The following FHIT variants were observed in gnomAD, a reference collection of about 807,000 sequenced individuals.
FHIT encodes bis(5'-adenosyl)-triphosphatase.
In FHIT, 19 loss-of-function variants were observed where a neutral mutation model predicts 17.9. That is an observed-to-expected ratio of 1.06 (90% CI 0.74 to 1.56). The LOEUF is 1.56. Among genes scored for constraint, FHIT ranks in the 40% most tolerant of loss-of-function variants. The pLI, the probability that FHIT is intolerant of heterozygous loss-of-function variation, is 0.00. For synonymous variants in FHIT, 81 were observed against 69.7 expected (o/e 1.16, Z -0.81); for missense variants, 248 against 189.2 (o/e 1.31, Z -1.82).
intron 8 of FHIT, among the ~76,000 whole-genome samples, chr3:59,888,140 A>T (rs1159675249): frequency 1.3e-5 from 2 of 152,196 alleles, no homozygotes; most frequent in Non-Finnish European, 2.9e-5. Flanking sequence ...AGAAGAAAGG[A>T]AGGAGTATGC....
intron 5 of FHIT, among the ~76,000 whole-genome samples, chr3:60,430,004 G>A (rs543782277): frequency 1.3e-5 from 2 of 152,040 alleles, no homozygotes; most frequent in Non-Finnish European, 2.9e-5. Flanking sequence ...CGTGCCTTAA[G>A]AAGTTTCTGC....
intron 7 of FHIT, among the ~76,000 whole-genome samples, chr3:60,003,918 G>A (rs555339194): frequency 6.6e-6 from 1 of 150,862 alleles, no homozygotes; most frequent in South Asian, 2.1e-4. Context: ...GGATATCACA[G>A]GTTTAAAATT....
rs147226955 is a variant in FHIT, at chr3:60,291,402, C to T, written c.103+245458G>A. 7.5e-3 allele frequency among the ~76,000 whole-genome samples: 1,135 copies of T among 152,058 alleles called. 15 individuals are homozygous for T. The highest frequency in any genetic ancestry group is 0.042 in the South Asian group (201 of 4,808). ...CTAATCTTTTATTATGCTGTCACGT[C>T]CTCTATCTGAGCTGTGCCATGTTGC... On this transcript the variant is annotated intron_variant, in intron 5 of 9. Coordinates refer to ENST00000492590, the MANE Select transcript of FHIT (RefSeq NM_002012.4).
chr3:59,858,080 A>C (rs187137748), intron 8 of FHIT, among the ~76,000 whole-genome samples: 2 of 152,244 alleles, frequency 1.3e-5, no homozygotes, highest in African/African-American at 4.8e-5. Flanking sequence ...GAGACAAGTA[A>C]GTAATGCAGA....
intron 5 of FHIT, among the ~76,000 whole-genome samples, chr3:60,352,106 G>A (rs1699436314): frequency 1.3e-5 from 2 of 152,130 alleles, no homozygotes; most frequent in South Asian, 2.1e-4. Context: ...CAGCACTGAG[G>A]AGCATGCCTT....
chr3:61,010,129 T>C (rs1214704592), intron 3 of FHIT, among the ~76,000 whole-genome samples: 1 of 152,094 alleles, frequency 6.6e-6, no homozygotes. Context: ...TCTGCGCATA[T>C]CTTCAATTAT....
intron 1 of FHIT, among the ~76,000 whole-genome samples, chr3:61,214,142 GA>G (rs1483338258): frequency 4.0e-5 from 6 of 151,682 alleles, no homozygotes; most frequent in African/African-American, 1.2e-4. Context: ...CAAAAGGCAA[GA>G]AATAACTAAA....
chr3:60,188,159 C>G (rs2107459562), intron 5 of FHIT, among the ~76,000 whole-genome samples: 1 of 150,294 alleles, frequency 6.7e-6, no homozygotes, highest in Admixed American at 6.6e-5. Context: ...CATTGAATGT[C>G]AGACTCTAAC....
intron 3 of FHIT, among the ~76,000 whole-genome samples, chr3:60,911,152 A>G (rs1706721382): frequency 6.6e-6 from 1 of 152,204 alleles, no homozygotes; most frequent in Non-Finnish European, 1.5e-5. Flanking sequence ...ATTTGTAACT[A>G]GTTATAAGGA....
chr3:60,382,828 G>A (rs1261032261), intron 5 of FHIT, among the ~76,000 whole-genome samples: 2 of 152,158 alleles, frequency 1.3e-5, no homozygotes, highest in Non-Finnish European at 2.9e-5. Flanking sequence ...AGCACAGCAT[G>A]CATTTGGAAT....
At chr3:60,591,861 T>G (rs2038096918) in intron 4 of FHIT, among the ~76,000 whole-genome samples, 2 of 152,094 alleles carry the variant, frequency 1.3e-5, no homozygotes, top group South Asian at 4.2e-4. Flanking sequence ...CTTCCCAAAG[T>G]CCCACAAATC....
At chr3:60,258,541 T>C (rs904753760) in intron 5 of FHIT, among the ~76,000 whole-genome samples, 21 of 151,656 alleles carry the variant, frequency 1.4e-4, no homozygotes, top group African/African-American at 5.1e-4. Flanking sequence ...TTCCTAAGAT[T>C]ATTACTTTAA....
chr3:59,853,600 G>A (rs923116508), intron 8 of FHIT, among the ~76,000 whole-genome samples: 1 of 152,176 alleles, frequency 6.6e-6, no homozygotes, highest in African/African-American at 2.4e-5. Context: ...AAAGGATGAT[G>A]TTTTAAATTA....
At chr3:60,929,123 A>T (rs550181614) in intron 3 of FHIT, among the ~76,000 whole-genome samples, 1 of 152,356 alleles carries the variant, frequency 6.6e-6, no homozygotes, top group Non-Finnish European at 1.5e-5. Context: ...CCACATGATT[A>T]TCTCAATAGA....
At chr3:59,963,881 G>A (rs1707802274) in intron 7 of FHIT, among the ~76,000 whole-genome samples, 1 of 152,210 alleles carries the variant, frequency 6.6e-6, no homozygotes, top group African/African-American at 2.4e-5. Flanking sequence ...AATTTAAAAT[G>A]TTGGATGTAA....
intron 4 of FHIT, among the ~76,000 whole-genome samples, chr3:60,695,640 C>G (rs1174021204): frequency 6.6e-6 from 1 of 152,126 alleles, no homozygotes; most frequent in African/African-American, 2.4e-5. Flanking sequence ...AAGCTTGTAG[C>G]AGAGTGCCTA....
At chr3:60,241,532 T>C (rs1705128759) in intron 5 of FHIT, among the ~76,000 whole-genome samples, 1 of 152,144 alleles carries the variant, frequency 6.6e-6, no homozygotes, top group African/African-American at 2.4e-5. Context: ...TTCCTATTAA[T>C]CTGTAGTTTT....
chr3:60,485,428 A>T (rs571848984), intron 5 of FHIT, among the ~76,000 whole-genome samples: 8 of 152,354 alleles, frequency 5.3e-5, no homozygotes, highest in African/African-American at 1.9e-4. Flanking sequence ...GATAGACTGG[A>T]TAAAGAAAAC....
chr3:60,099,162 G>C (rs1050925031), intron 5 of FHIT, among the ~76,000 whole-genome samples: 1 of 152,046 alleles, frequency 6.6e-6, no homozygotes, highest in Non-Finnish European at 1.5e-5. Context: ...CCCCATACTT[G>C]TCTCCTACTA....
Sources: allele counts gnomAD v4.1 joint callset (sites outside exome capture counted in the v4.1 genomes callset), GRCh38; gene constraint gnomAD v4.1.1; transcripts MANE v1.5; gene names NCBI Gene and HGNC (gene_info 2026-07-23, HGNC 2026-07-21).